The following RTF2 variants were observed in gnomAD, a reference collection of about 807,000 sequenced individuals.
RTF2 encodes the protein replication termination factor 2, also known as UPF0549 protein C20orf43.
Under a neutral mutation model 38.0 loss-of-function variants are expected in RTF2, and 18 were observed. The ratio of observed to expected loss-of-function variants is 0.47; its 90% CI spans 0.33 to 0.70. The LOEUF (loss-of-function observed/expected upper bound fraction) is 0.70. Ranked by LOEUF, RTF2 falls within the 30% of genes least tolerant of loss-of-function variation. The pLI, the probability that RTF2 is intolerant of heterozygous loss-of-function variation, is 0.02. For synonymous variants in RTF2, 126 were observed against 137.1 expected, an observed-to-expected ratio of 0.92 and a Z score of 0.57; for missense variants, 311 against 379.6, an observed-to-expected ratio of 0.82 and a Z score of 1.50.
intron 4 of RTF2, among the ~76,000 whole-genome samples, chr20:56,478,531 A>C (rs1328500609): frequency 6.6e-6 from 1 of 152,198 alleles, no homozygotes; most frequent in Non-Finnish European, 1.5e-5. Context: ...CTAGTCTTTT[A>C]AGTGTGCAAT....
Position 56,518,474 on chromosome 20 carries a change from G to C in RTF2, c.*209G>C, listed in dbSNP as rs151240614. On this transcript the variant is annotated 3_prime_UTR_variant, in exon 9 of 9. Transcript: ENST00000357348. Reference sequence around the variant, plus strand: ...CATGGGAGGGGCTGCACAGTGGCCCGAGGTCATGCTTGCTTCCACCTGCAG... The same window carrying C: ...CATGGGAGGGGCTGCACAGTGGCCCCAGGTCATGCTTGCTTCCACCTGCAG... 2 of 462,982 alleles carry C rather than the reference G, an allele frequency of 4.3e-6. No individual in the cohort carries two copies. The highest frequency in any genetic ancestry group is 7.5e-6 in the Non-Finnish European group (2 of 267,758). 28.7% of individuals were successfully genotyped at this position (462,982 alleles called of 1,614,324 possible).
intron 3 of RTF2, among the ~76,000 whole-genome samples, chr20:56,475,989 G>T (rs1410553392): frequency 6.6e-6 from 1 of 152,232 alleles, no homozygotes. Flanking sequence ...CCAGGAAGCT[G>T]ATCGTATGAA....
chr20:56,490,684 G>T (rs1288220884), intron 5 of RTF2, among the ~76,000 whole-genome samples: 2 of 152,204 alleles, frequency 1.3e-5, no homozygotes, highest in African/African-American at 2.4e-5. Context: ...AGGCGTGGTG[G>T]TGCATGCCTG....
At chr20:56,478,002 G>A (rs1424965963) in intron 4 of RTF2, among the ~76,000 whole-genome samples, 1 of 152,122 alleles carries the variant, frequency 6.6e-6, no homozygotes, top group Non-Finnish European at 1.5e-5. Context: ...TAAAAAATAC[G>A]GACGGTTGAA....
chr20:56,510,534 A>T (rs2146370847), intron 5 of RTF2, among the ~76,000 whole-genome samples: 1 of 152,364 alleles, frequency 6.6e-6, no homozygotes, highest in African/African-American at 2.4e-5. Flanking sequence ...AGATGATAAT[A>T]GTAAGCTCAC....
At chr20:56,490,671 G>A (rs1035203034) in intron 5 of RTF2, among the ~76,000 whole-genome samples, 1 of 152,162 alleles carries the variant, frequency 6.6e-6, no homozygotes, top group Non-Finnish European at 1.5e-5. Context: ...AAAAAAATTA[G>A]CCAGGCGTGG....
At chr20:56,502,944 G>T (rs1248637162) in intron 5 of RTF2, among the ~76,000 whole-genome samples, 2 of 152,214 alleles carry the variant, frequency 1.3e-5, no homozygotes, top group Non-Finnish European at 2.9e-5. Flanking sequence ...CTTGACTGCG[G>T]ATGTGGTGTA....
chr20:56,492,383 TTTTA>T (rs746538072), intron 5 of RTF2, among the ~76,000 whole-genome samples: 2 of 146,638 alleles, frequency 1.4e-5, no homozygotes, highest in Non-Finnish European at 3.0e-5. Context: ...TGGCACTGCT[TTTTA>T]TTTGTTTTTC....
At chr20:56,499,328 A>G (rs1231490197) in intron 5 of RTF2, among the ~76,000 whole-genome samples, 1 of 150,204 alleles carries the variant, frequency 6.7e-6, no homozygotes. Flanking sequence ...TCCCAGGTGC[A>G]TGCCACCATG....
intron 1 of RTF2, among the ~76,000 whole-genome samples, chr20:56,472,127 G>A (rs1982002720): frequency 6.6e-6 from 1 of 152,112 alleles, no homozygotes; most frequent in African/African-American, 2.4e-5. Flanking sequence ...AGGCTAAGGG[G>A]GAGGATTGCT....
At chr20:56,485,067 C>G (rs1982720601) in intron 5 of RTF2, among the ~76,000 whole-genome samples, 1 of 152,088 alleles carries the variant, frequency 6.6e-6, no homozygotes, top group Non-Finnish European at 1.5e-5. Flanking sequence ...CTCCTGCATC[C>G]CACATTCTGA....
intron 1 of RTF2, chr20:56,472,333 ATT>A: frequency 6.5e-7 from 1 of 1,535,792 alleles, no homozygotes; most frequent in Non-Finnish European, 8.8e-7. Context: ...CAGATTTGGC[ATT>A]TGAAGAATGG....
intron 5 of RTF2, among the ~76,000 whole-genome samples, chr20:56,494,296 C>CT (rs1983364452): frequency 6.6e-6 from 1 of 152,186 alleles, no homozygotes; most frequent in African/African-American, 2.4e-5. Flanking sequence ...TTTATACTAA[C>CT]TAGGGTTTTT....
chr20:56,496,967 G>A (rs1600815706), intron 5 of RTF2: 1 of 1,551,656 alleles, frequency 6.4e-7, no homozygotes, highest in Non-Finnish European at 8.7e-7. Flanking sequence ...TGATTTCTCT[G>A]TTGGTTTTGA....
chr20:56,501,017 A>G (rs1417366488), intron 5 of RTF2, among the ~76,000 whole-genome samples: 1 of 152,178 alleles, frequency 6.6e-6, no homozygotes, highest in African/African-American at 2.4e-5. Context: ...TAATAATTAT[A>G]TATGTTTATG....
chr20:56,494,785 T>C (rs1376739567), intron 5 of RTF2, among the ~76,000 whole-genome samples: 1 of 152,208 alleles, frequency 6.6e-6, no homozygotes, highest in African/African-American at 2.4e-5. Flanking sequence ...TTTAAACAGC[T>C]GAAAAACTGG....
chr20:56,514,524 C>T (rs556245645), intron 6 of RTF2, among the ~76,000 whole-genome samples: 208 of 152,130 alleles, frequency 1.4e-3, no homozygotes, highest in Non-Finnish European at 2.7e-3. Context: ...AGTGCCAGTC[C>T]GAGGCGAGAG....
chr20:56,514,998 G>A (rs993556782), intron 6 of RTF2, among the ~76,000 whole-genome samples: 3 of 149,154 alleles, frequency 2.0e-5, no homozygotes, highest in Non-Finnish European at 4.4e-5. Flanking sequence ...AGTGAGCCGA[G>A]ATCGCACCTC....
At chr20:56,488,029 A>T (rs533169939) in intron 5 of RTF2, among the ~76,000 whole-genome samples, 1 of 152,236 alleles carries the variant, frequency 6.6e-6, no homozygotes, top group East Asian at 1.9e-4. Context: ...GCAGGGGGGC[A>T]TAATTCAACC....
Sources: allele counts gnomAD v4.1 joint callset (sites outside exome capture counted in the v4.1 genomes callset), GRCh38; gene constraint gnomAD v4.1.1; transcripts MANE v1.5; gene names NCBI Gene and HGNC (gene_info 2026-07-23, HGNC 2026-07-21).